CCBE1: variants seen among roughly 807,000 people sequenced by gnomAD.
The protein encoded by CCBE1 is collagen and calcium binding EGF domains 1.
Under a neutral mutation model 50.0 loss-of-function variants are expected in CCBE1, and 37 were observed. The observed-to-expected ratio is 0.74, with a 90% CI of 0.57 to 0.97. The LOEUF is 0.97. CCBE1 is among the 50% of genes least tolerant of loss of function. CCBE1 has a pLI of 0.00. For synonymous variants in CCBE1, 234 were observed against 203.7 expected (o/e 1.15, Z -1.27); for missense variants, 538 against 523.8 (o/e 1.03, Z -0.26).
intron 2 of CCBE1, among the ~76,000 whole-genome samples, chr18:59,502,369 T>TA (rs2143840361): frequency 6.6e-6 from 1 of 152,252 alleles, no homozygotes; most frequent in African/African-American, 2.4e-5. Context: ...GTAAGAGTCA[T>TA]ATGTGTGTCA....
chr18:59,463,472 G>C (rs562041929), intron 5 of CCBE1, among the ~76,000 whole-genome samples: 1 of 152,312 alleles, frequency 6.6e-6, no homozygotes, highest in South Asian at 2.1e-4. Flanking sequence ...TGCTGCCTTG[G>C]GGACTGAAGA....
chr18:59,693,146 A>T (rs868739302), intron 2 of CCBE1, among the ~76,000 whole-genome samples: 13 of 152,122 alleles, frequency 8.5e-5, no homozygotes, highest in South Asian at 4.1e-4. Flanking sequence ...TTAAATAATC[A>T]TTCCAAATAT....
chr18:59,495,804 G>A (rs12232583), intron 2 of CCBE1, among the ~76,000 whole-genome samples: 3,341 of 152,118 alleles, frequency 0.022, 144 homozygotes, highest in East Asian at 0.21. Context: ...CACTGCGGCC[G>A]CCCTGGTTCT....
At chr18:59,626,529 T>C (rs1485506576) in intron 2 of CCBE1, among the ~76,000 whole-genome samples, 2 of 152,260 alleles carry the variant, frequency 1.3e-5, no homozygotes, top group Non-Finnish European at 2.9e-5. Flanking sequence ...CCACTTACTC[T>C]GTGCCAGGCA....
At chr18:59,676,434 T>G (rs1652065) in intron 2 of CCBE1, among the ~76,000 whole-genome samples, 84,379 of 152,054 alleles carry the variant, frequency 0.55, 25,227 homozygotes, top group East Asian at 0.88. Context: ...CTGCCCTGTT[T>G]ATCTTTTTCC....
In CCBE1 at chr18:59,469,551, G is replaced by A. The variant is rs201954546; in HGVS notation, c.322C>T (p.Arg108Ter). The stretch of plus-strand genomic sequence containing the variant: ...CCCGGATAACAAGTACACAGCACTC[G>A]GCCAAAGTTGTCCGTGCACTGCTGT... ...CEQQCTDNFG[R>*]VLCTCYPGYR... Residue 108 changes from arginine (R) to a stop codon, truncating the protein, a stop_gained, in exon 4 of 11, where the codon CGA becomes TGA. Coordinates refer to ENST00000439986, the MANE Select transcript of CCBE1 (RefSeq NM_133459.4). LOFTEE classifies it high-confidence loss of function. The A allele has an allele frequency of 5.6e-6, 9 of 1,614,018 alleles. No homozygotes were observed. Among genetic ancestry groups the A allele is most frequent in the African/African-American group, 4.0e-5 (3 of 74,902 alleles).
At chr18:59,442,563 A>G (rs1910482832) in intron 7 of CCBE1, among the ~76,000 whole-genome samples, 1 of 151,970 alleles carries the variant, frequency 6.6e-6, no homozygotes. Context: ...CCCCATCTCT[A>G]CTAAAAATAC....
chr18:59,460,936 AAAATAAATAAATAAAT>A lies in CCBE1; in HGVS notation c.553+5787_553+5802del, dbSNP rs59182848. Among the ~76,000 whole-genome samples, 3 of 141,214 alleles carry A rather than the reference AAAATAAATAAATAAAT, an allele frequency of 2.1e-5. No homozygotes were observed. The South Asian group carries it at 6.9e-4, about 33-fold the overall frequency. The allele number at this position is 141,214 out of a possible 152,430, so 92.6% of individuals were successfully genotyped here. ...GGTGACAGAGGGAGACTCTGTCTCA[AAAATAAATAAATAAAT>A]AAATAAATAAATAAATAATAAAATA... is the stretch of plus-strand genomic sequence containing the variant. On this transcript the variant is annotated intron_variant, in intron 5 of 10. Transcript: ENST00000439986.
intron 2 of CCBE1, among the ~76,000 whole-genome samples, chr18:59,572,120 G>C (rs960671097): frequency 1.3e-5 from 2 of 152,198 alleles, no homozygotes; most frequent in Non-Finnish European, 2.9e-5. Flanking sequence ...CTTGACATTT[G>C]CTGGCATTTT....
chr18:59,547,043 G>A (rs965373655), intron 2 of CCBE1, among the ~76,000 whole-genome samples: 1 of 81,880 alleles, frequency 1.2e-5, no homozygotes, highest in Non-Finnish European at 2.5e-5. Flanking sequence ...GAAAGAGAGG[G>A]GGAGAGAGGG....
intron 2 of CCBE1, among the ~76,000 whole-genome samples, chr18:59,534,646 C>A (rs570337720): frequency 6.6e-6 from 1 of 152,318 alleles, no homozygotes; most frequent in African/African-American, 2.4e-5. Context: ...CCTATGAGAT[C>A]AGGAACTCTG....
chr18:59,460,850 G>A (rs562388358), intron 5 of CCBE1, among the ~76,000 whole-genome samples: 2 of 152,112 alleles, frequency 1.3e-5, no homozygotes, highest in East Asian at 3.9e-4. Flanking sequence ...GATGGGAATC[G>A]CTTGAACCTG....
chr18:59,582,224 C>A (rs1426572422), intron 2 of CCBE1, among the ~76,000 whole-genome samples: 1 of 152,100 alleles, frequency 6.6e-6, no homozygotes, highest in Non-Finnish European at 1.5e-5. Context: ...AAGTCTTCAC[C>A]GCCACCTCTC....
chr18:59,538,760 G>C (rs969937402), intron 2 of CCBE1, among the ~76,000 whole-genome samples: 1 of 152,222 alleles, frequency 6.6e-6, no homozygotes, highest in Admixed American at 6.5e-5. Context: ...CATCTACAAT[G>C]ATCTCAATGA....
In CCBE1 at chr18:59,433,201, G is replaced by A. The variant is rs1450438032; in HGVS notation, c.*2707C>T. The A allele has an allele frequency of 6.6e-6, 1 of 152,024 alleles. No homozygotes were observed. The highest frequency in any genetic ancestry group is 2.4e-5 in the African/African-American group (1 of 41,406). The allele number at this position is 152,024 out of a possible 1,614,324, so 9.4% of individuals were successfully genotyped here. ...TCTTTTTAAAAAGTCTCCTTTATTC[G>A]AAAAGAGGCAGACTGGTTCCTGGGG... is the stretch of plus-strand genomic sequence containing the variant. On this transcript the variant is annotated 3_prime_UTR_variant, in exon 11 of 11. Coordinates refer to ENST00000439986, the MANE Select transcript of CCBE1 (RefSeq NM_133459.4).
intron 3 of CCBE1, among the ~76,000 whole-genome samples, chr18:59,473,433 A>T (rs1912132167): frequency 6.6e-6 from 1 of 152,064 alleles, no homozygotes; most frequent in Non-Finnish European, 1.5e-5. Context: ...TCTTTGGTAA[A>T]CCCTTTTTAT....
At position 59,595,675 on chromosome 18, in the gene CCBE1, G is replaced by A. The variant is rs1053019711; in HGVS notation, c.212+100954C>T. Among the ~76,000 whole-genome samples the A allele has an allele frequency of 2.6e-5, 4 of 152,144 alleles. No homozygotes were observed. The East Asian group carries it at 7.7e-4, about 29-fold the overall frequency. ...AAATTTTATCAAATAACTTTAAAAG[G>A]TAAACATGTATGAATATAGTGTTAA... On this transcript the variant is annotated intron_variant, in intron 2 of 10. Transcript: ENST00000439986.
intron 2 of CCBE1, among the ~76,000 whole-genome samples, chr18:59,608,123 A>AAAT (rs952385808): frequency 2.0e-5 from 3 of 152,196 alleles, no homozygotes; most frequent in African/African-American, 7.2e-5. Flanking sequence ...CCGTCTCGAA[A>AAAT]AATAATAATA....
chr18:59,448,177 A>G, intron 6 of CCBE1, 74 bp from the exon 7 acceptor site: 1 of 1,597,502 alleles, frequency 6.3e-7, no homozygotes. Flanking sequence ...TTGGTGGGAG[A>G]AGCTGCAAAG....
Sources: allele counts gnomAD v4.1 joint callset (sites outside exome capture counted in the v4.1 genomes callset), GRCh38; gene constraint gnomAD v4.1.1; transcripts MANE v1.5; gene names NCBI Gene and HGNC (gene_info 2026-07-23, HGNC 2026-07-21).